SNTG1: variants seen among roughly 807,000 people sequenced by gnomAD.
The protein encoded by SNTG1 is gamma-1-syntrophin.
In SNTG1, 39 loss-of-function variants were observed where a neutral mutation model predicts 74.7. The ratio of observed to expected loss-of-function variants is 0.52; its 90% CI spans 0.40 to 0.68. The LOEUF is 0.68. Ranked by LOEUF, SNTG1 falls within the 30% of genes least tolerant of loss-of-function variation. The probability of loss-of-function intolerance (pLI) is 0.00; values close to 1 mark genes in which losing one functional copy is unlikely to be tolerated. For synonymous variants in SNTG1, 254 were observed against 217.1 expected, an observed-to-expected ratio of 1.17 and a Z score of -1.49; for missense variants, 685 against 609.5, an observed-to-expected ratio of 1.12 and a Z score of -1.30.
At chr8:50,687,129 G>A (rs1438164732) in intron 15 of SNTG1, among the ~76,000 whole-genome samples, 168 of 138,634 alleles carry the variant, frequency 1.2e-3, no homozygotes, top group African/African-American at 4.3e-3. Context: ...GCGACAGAGC[G>A]AGACTCCGTC....
At chr8:50,588,354 C>A (rs112644612) in intron 12 of SNTG1, among the ~76,000 whole-genome samples, 3 of 152,044 alleles carry the variant, frequency 2.0e-5, no homozygotes, top group Non-Finnish European at 4.4e-5. Flanking sequence ...TTTCTGAATA[C>A]AATGGAAGCA....
chr8:50,771,639 T>C (rs1422167230), intron 18 of SNTG1, among the ~76,000 whole-genome samples: 1 of 152,084 alleles, frequency 6.6e-6, no homozygotes, highest in Non-Finnish European at 1.5e-5. Context: ...TTAGCATGGC[T>C]GAAAGGAAAC....
intron 1 of SNTG1, among the ~76,000 whole-genome samples, chr8:49,919,725 A>G (rs989364153): frequency 3.3e-5 from 5 of 152,112 alleles, no homozygotes; most frequent in Admixed American, 6.6e-5. Context: ...TTATTCCAGA[A>G]CAGTTATTTT....
chr8:50,467,649 C>T (rs1587721677), intron 8 of SNTG1, among the ~76,000 whole-genome samples: 2 of 151,560 alleles, frequency 1.3e-5, no homozygotes, highest in Non-Finnish European at 3.0e-5. Flanking sequence ...CATTGATTTC[C>T]TCTGTAGTTT....
At chr8:50,304,339 C>A (rs1587034145) in intron 2 of SNTG1, among the ~76,000 whole-genome samples, 1 of 152,270 alleles carries the variant, frequency 6.6e-6, no homozygotes, top group African/African-American at 2.4e-5. Context: ...AACTTCTTTT[C>A]TTTATAAATC....
intron 17 of SNTG1, among the ~76,000 whole-genome samples, chr8:50,723,325 T>G (rs1428628917): frequency 1.3e-5 from 2 of 152,214 alleles, no homozygotes; most frequent in Non-Finnish European, 2.9e-5. Flanking sequence ...CGACTTGATC[T>G]CTACCAAGTT....
chr8:49,986,406 T>G (rs1004209809), intron 1 of SNTG1, among the ~76,000 whole-genome samples: 1 of 152,180 alleles, frequency 6.6e-6, no homozygotes, highest in Non-Finnish European at 1.5e-5. Context: ...ATTAAGTCAA[T>G]TGTGGTTAAG....
intron 11 of SNTG1, among the ~76,000 whole-genome samples, chr8:50,550,428 A>ATATT (rs1563561048): frequency 6.6e-6 from 1 of 152,212 alleles, no homozygotes; most frequent in African/African-American, 2.4e-5. Context: ...GAAATGATAT[A>ATATT]TATTTATTTG....
intron 1 of SNTG1, among the ~76,000 whole-genome samples, chr8:50,066,013 G>A (rs568885142): frequency 5.7e-4 from 87 of 152,148 alleles, no homozygotes; most frequent in African/African-American, 1.5e-3. Flanking sequence ...TCAGGAGTTC[G>A]AGACCAGCCT....
At chr8:50,343,877 C>T (rs1445797417) in intron 2 of SNTG1, among the ~76,000 whole-genome samples, 2 of 152,102 alleles carry the variant, frequency 1.3e-5, no homozygotes, top group South Asian at 2.1e-4. Flanking sequence ...AGTTAAAATA[C>T]AGGCCTTAAT....
intron 2 of SNTG1, among the ~76,000 whole-genome samples, chr8:50,317,810 A>C (rs1478677013): frequency 6.6e-6 from 1 of 152,100 alleles, no homozygotes; most frequent in Non-Finnish European, 1.5e-5. Context: ...TACTATCTCT[A>C]TGACATCACT....
At chr8:50,477,661 G>A (rs79476103) in intron 8 of SNTG1, among the ~76,000 whole-genome samples, 2,738 of 152,142 alleles carry the variant, frequency 0.018, 94 homozygotes, top group African/African-American at 0.063. Context: ...AAGAATGCAT[G>A]GATACTGACT....
At chr8:50,584,133 T>C (rs1196748108) in intron 12 of SNTG1, among the ~76,000 whole-genome samples, 1 of 152,170 alleles carries the variant, frequency 6.6e-6, no homozygotes. Flanking sequence ...TAGTATTCCA[T>C]GGTGTATATA....
intron 2 of SNTG1, among the ~76,000 whole-genome samples, chr8:50,215,490 T>G (rs1001238277): frequency 1.4e-5 from 2 of 147,484 alleles, no homozygotes; most frequent in South Asian, 4.2e-4. Flanking sequence ...TATATATATA[T>G]AGACTATAGG....
chr8:50,464,476 G>A (rs763797177), intron 8 of SNTG1, among the ~76,000 whole-genome samples: 2 of 152,100 alleles, frequency 1.3e-5, no homozygotes, highest in African/African-American at 4.8e-5. Flanking sequence ...TCAGGGAGTA[G>A]GAAGGCCTGC....
At chr8:50,191,170 A>C (rs1037865228) in intron 2 of SNTG1, among the ~76,000 whole-genome samples, 2 of 151,996 alleles carry the variant, frequency 1.3e-5, no homozygotes, top group Admixed American at 6.6e-5. Flanking sequence ...GGTTTTGTTT[A>C]TTTGTTATTT....
intron 1 of SNTG1, among the ~76,000 whole-genome samples, chr8:49,914,173 A>G (rs1318959990): frequency 6.6e-6 from 1 of 152,160 alleles, no homozygotes; most frequent in African/African-American, 2.4e-5. Flanking sequence ...ACAAACAAAA[A>G]GGGGGTAGTG....
chr8:50,319,536 T>G (rs1196970276), intron 2 of SNTG1, among the ~76,000 whole-genome samples: 1 of 152,208 alleles, frequency 6.6e-6, no homozygotes, highest in East Asian at 1.9e-4. Flanking sequence ...GACATCTTCC[T>G]TTTCAATTTG....
intron 8 of SNTG1, among the ~76,000 whole-genome samples, chr8:50,464,966 A>AT (rs1554535646): frequency 6.6e-6 from 1 of 151,380 alleles, no homozygotes; most frequent in Non-Finnish European, 1.5e-5. Context: ...AAAAAAAAAA[A>AT]TGCTCTGATA....
Sources: allele counts gnomAD v4.1 joint callset (sites outside exome capture counted in the v4.1 genomes callset), GRCh38; gene constraint gnomAD v4.1.1; transcripts MANE v1.5; gene names NCBI Gene and HGNC (gene_info 2026-07-23, HGNC 2026-07-21).